Variants in L3MBTL4 observed in about 807,000 individuals in gnomAD.
L3MBTL4 encodes the protein L3MBTL histone methyl-lysine binding protein 4, also known as lethal(3)malignant brain tumor-like protein 4.
A neutral mutation model predicts 84.5 loss-of-function variants in L3MBTL4; 70 were observed. The observed-to-expected ratio is 0.83, with a 90% CI of 0.68 to 1.01. The LOEUF (loss-of-function observed/expected upper bound fraction) is 1.01, where lower values mean the gene tolerates loss of function less well. Among genes scored for constraint, L3MBTL4 ranks in the 50% least tolerant of loss-of-function variants. L3MBTL4 has a pLI of 0.00. For synonymous variants in L3MBTL4, 274 were observed against 259.8 expected, an observed-to-expected ratio of 1.05 and a Z score of -0.52; for missense variants, 715 against 754.8, an observed-to-expected ratio of 0.95 and a Z score of 0.62.
intron 13 of L3MBTL4, among the ~76,000 whole-genome samples, chr18:6,167,499 C>T (rs2043733991): frequency 6.6e-6 from 1 of 152,134 alleles, no homozygotes; most frequent in Non-Finnish European, 1.5e-5. Flanking sequence ...GGGCTTCATC[C>T]CTGGGATGCA....
At chr18:6,099,781 C>T (rs2058760368) in intron 14 of L3MBTL4, among the ~76,000 whole-genome samples, 1 of 150,764 alleles carries the variant, frequency 6.6e-6, no homozygotes, top group African/African-American at 2.4e-5. Flanking sequence ...TTAGTACACA[C>T]AGAGTAAGAA....
intron 1 of L3MBTL4, among the ~76,000 whole-genome samples, chr18:6,345,727 C>T (rs956856240): frequency 2.8e-4 from 42 of 152,064 alleles, no homozygotes; most frequent in African/African-American, 9.4e-4. Context: ...AAAATTAATA[C>T]TGTTAAAATA....
intron 1 of L3MBTL4, among the ~76,000 whole-genome samples, chr18:6,333,034 A>G (rs746207027): frequency 4.6e-5 from 7 of 152,228 alleles, no homozygotes; most frequent in Non-Finnish European, 1.0e-4. Flanking sequence ...TAATGTCTTA[A>G]GAGTTCTTCC....
At chr18:6,332,898 G>A (rs1421339269) in intron 1 of L3MBTL4, among the ~76,000 whole-genome samples, 1 of 152,222 alleles carries the variant, frequency 6.6e-6, no homozygotes, top group Non-Finnish European at 1.5e-5. Context: ...AGCAGCAACA[G>A]TATGAGAATA....
chr18:6,078,424 C>T lies in L3MBTL4; in HGVS notation c.1444+2457G>A, dbSNP rs1298264079. Among the ~76,000 whole-genome samples, 50 of 67,398 alleles carry T rather than the reference C, an allele frequency of 7.4e-4. 1 individual carries two copies. The highest frequency in any genetic ancestry group is 4.0e-3 in the African/African-American group (46 of 11,636). The allele number at this position is 67,398 out of a possible 152,430, so 44.2% of individuals were successfully genotyped here. On this transcript the variant is annotated intron_variant, in intron 16 of 18. Coordinates refer to ENST00000317931, the MANE Select transcript of L3MBTL4 (RefSeq NM_001330559.2). Reference sequence around the variant, plus strand: ...CCTGGGCAACAGAGGGAGAGTCCACCTCAAAAAAAAAAAACAAAAAAAAAA... The same window carrying T: ...CCTGGGCAACAGAGGGAGAGTCCACTTCAAAAAAAAAAAACAAAAAAAAAA...
intron 12 of L3MBTL4, among the ~76,000 whole-genome samples, chr18:6,189,809 G>A (rs1373627672): frequency 1.3e-5 from 2 of 152,018 alleles, no homozygotes; most frequent in Non-Finnish European, 2.9e-5. Flanking sequence ...ATAAAAGACA[G>A]ATCAATAGAA....
chr18:6,009,639 C>A (rs2054647733), intron 16 of L3MBTL4, among the ~76,000 whole-genome samples: 1 of 152,164 alleles, frequency 6.6e-6, no homozygotes, highest in Non-Finnish European at 1.5e-5. Context: ...TACCTGTAAT[C>A]ATCTCTAGAT....
intron 12 of L3MBTL4, among the ~76,000 whole-genome samples, chr18:6,197,449 C>T (rs960971727): frequency 1.3e-5 from 2 of 152,146 alleles, no homozygotes; most frequent in African/African-American, 2.4e-5. Context: ...GATTTTGTTC[C>T]TCTTTATGGC....
At chr18:6,324,787 A>G (rs992301067) in intron 1 of L3MBTL4, among the ~76,000 whole-genome samples, 14 of 152,300 alleles carry the variant, frequency 9.2e-5, no homozygotes, top group Middle Eastern at 3.4e-3. Flanking sequence ...AGATCTACTA[A>G]TGTGTTATTT....
intron 16 of L3MBTL4, among the ~76,000 whole-genome samples, chr18:5,979,842 A>T (rs961880109): frequency 2.0e-4 from 31 of 152,290 alleles, no homozygotes; most frequent in African/African-American, 7.5e-4. Flanking sequence ...GTATTGTCAG[A>T]TTTATCTCAA....
chr18:6,389,905 A>G (rs766255418), intron 1 of L3MBTL4, among the ~76,000 whole-genome samples: 1 of 152,214 alleles, frequency 6.6e-6, no homozygotes, highest in East Asian at 1.9e-4. Flanking sequence ...ACAGAATGTC[A>G]ACAAAGAAAC....
chr18:6,239,533 G>C (rs1217749853), intron 9 of L3MBTL4, among the ~76,000 whole-genome samples, 185 bp downstream of exon 9: 1 of 152,070 alleles, frequency 6.6e-6, no homozygotes, highest in South Asian at 2.1e-4. Context: ...TACAGATGGA[G>C]AAGTTTCTAG....
At chr18:6,302,766 C>T (rs1285391387) in intron 3 of L3MBTL4, among the ~76,000 whole-genome samples, 5 of 152,206 alleles carry the variant, frequency 3.3e-5, no homozygotes, top group East Asian at 3.9e-4. Flanking sequence ...AGGTGGATCA[C>T]GAGGAAAGGA....
At chr18:6,187,711 T>C (rs1204857384) in intron 12 of L3MBTL4, among the ~76,000 whole-genome samples, 5 of 152,192 alleles carry the variant, frequency 3.3e-5, no homozygotes, top group African/African-American at 1.2e-4. Flanking sequence ...GAAAATAATG[T>C]TCAAGCCAGT....
intron 12 of L3MBTL4, among the ~76,000 whole-genome samples, chr18:6,184,763 G>A (rs1429784385): frequency 6.6e-6 from 1 of 152,176 alleles, no homozygotes; most frequent in Non-Finnish European, 1.5e-5. Flanking sequence ...GGGGCCAGGG[G>A]AGAAACGAGA....
chr18:6,383,131 A>G (rs1419294551), intron 1 of L3MBTL4, among the ~76,000 whole-genome samples: 1 of 152,006 alleles, frequency 6.6e-6, no homozygotes, highest in Admixed American at 6.6e-5. Flanking sequence ...CTGCCTACTC[A>G]AGCCTCAGCA....
intron 16 of L3MBTL4, chr18:6,030,123 A>G: frequency 1.1e-6 from 1 of 903,026 alleles, no homozygotes; most frequent in South Asian, 5.1e-5. Flanking sequence ...GTATGCCATC[A>G]CTTGTGTAAA....
intron 3 of L3MBTL4, among the ~76,000 whole-genome samples, chr18:6,303,904 C>T (rs2050455255): frequency 6.6e-6 from 1 of 151,514 alleles, no homozygotes; most frequent in Non-Finnish European, 1.5e-5. Context: ...ATCCCAGCTA[C>T]TCAGGAGGCT....
At chr18:6,059,031 GC>G (rs1334942503) in intron 16 of L3MBTL4, among the ~76,000 whole-genome samples, 3 of 152,180 alleles carry the variant, frequency 2.0e-5, no homozygotes, top group Non-Finnish European at 4.4e-5. Context: ...ACAGTCAATA[GC>G]CAAGGACCCT....
Sources: gnomAD v4.1 joint callset for allele counts (sites outside exome capture counted in the v4.1 genomes callset) on GRCh38, gnomAD v4.1.1 for gene constraint, MANE v1.5 for transcripts, NCBI Gene and HGNC (gene_info 2026-07-23, HGNC 2026-07-21) for gene names.